Variants in ADAMTS5 observed in about 807,000 individuals in gnomAD.
ADAMTS5 encodes the protein ADAM metallopeptidase with thrombospondin type 1 motif 5.
In ADAMTS5, 54 loss-of-function variants were observed where a neutral mutation model predicts 81.4. That is an observed-to-expected ratio of 0.66 (90% confidence interval 0.53 to 0.83). The LOEUF (loss-of-function observed/expected upper bound fraction) is 0.83. Among genes scored for constraint, ADAMTS5 ranks in the 40% least tolerant of loss-of-function variants. The pLI is 0.00. For synonymous variants in ADAMTS5, 532 were observed against 508.8 expected (o/e 1.05, Z -0.61); for missense variants, 1,194 against 1,229.9 (o/e 0.97, Z 0.44).
chr21:26,929,825 A>G (rs572702032), intron 7 of ADAMTS5, 61 bp downstream of exon 7: 8 of 1,526,114 alleles, frequency 5.2e-6, no homozygotes, highest in African/African-American at 4.1e-5. Context: ...TCCTTTATCA[A>G]TTCTGCAAGA....
chr21:26,934,867 G>C, intron 3 of ADAMTS5, 118 bp from the exon 4 acceptor site: 1 of 1,331,528 alleles, frequency 7.5e-7, no homozygotes, highest in East Asian at 2.4e-5. Context: ...CCATGAATCT[G>C]TAGTGTAATG....
At chr21:26,963,054 G>A (rs1987560511) in intron 1 of ADAMTS5, among the ~76,000 whole-genome samples, 1 of 151,976 alleles carries the variant, frequency 6.6e-6, no homozygotes, top group Non-Finnish European at 1.5e-5. Context: ...AGTTAGATGT[G>A]TATACTACAG....
In ADAMTS5 at chr21:26,954,586, G is replaced by A. The variant is rs1256306762; in HGVS notation, c.1237+153C>T. ...TTTGCCTTCCCTGTCGCTCGTATTAGTTAACCTTAAAAGTGCAGATATAAA... is the reference window on the plus strand; with the variant it reads ...TTTGCCTTCCCTGTCGCTCGTATTAATTAACCTTAAAAGTGCAGATATAAA... On this transcript the variant is annotated intron_variant, in intron 2 of 7. Transcript: ENST00000284987. 2.6e-5 allele frequency among the ~76,000 whole-genome samples: 4 copies of A among 152,304 alleles called. No individual in the cohort carries two copies. In the East Asian group the frequency reaches 7.7e-4, roughly 29 times the overall value.
intron 2 of ADAMTS5, among the ~76,000 whole-genome samples, chr21:26,947,927 TAA>T (rs2123191970): frequency 6.6e-6 from 1 of 152,298 alleles, no homozygotes; most frequent in South Asian, 2.1e-4. Flanking sequence ...TATGTCAGAG[TAA>T]AGTCTATAGG....
rs200779374 is a variant in ADAMTS5 at position 26,943,358 on chromosome 21, T to C, written c.1405+22A>G. 3.8e-6 allele frequency: 6 copies of C among 1,596,274 alleles called. No individual in the cohort carries two copies. In the South Asian group the frequency reaches 5.7e-5, roughly 15 times the overall value. The stretch of plus-strand genomic sequence containing the variant: ...ATCCCAAATTTTGTTTCTCAGTCTG[T>C]GTTCTCCTAAATGATACATACCATG... On this transcript the variant is annotated intron_variant, in intron 3 of 7. Transcript: ENST00000284987.
At chr21:26,925,244 TAG>T (rs1166262353) in intron 7 of ADAMTS5, among the ~76,000 whole-genome samples, 1 of 152,148 alleles carries the variant, frequency 6.6e-6, no homozygotes, top group Non-Finnish European at 1.5e-5. Context: ...TAGAGGTGAG[TAG>T]AGTCTCTGCA....
intron 2 of ADAMTS5, among the ~76,000 whole-genome samples, chr21:26,949,181 A>T (rs1053836912): frequency 1.0e-4 from 15 of 147,370 alleles, no homozygotes; most frequent in Non-Finnish European, 2.2e-4. Context: ...TATATATATC[A>T]CACATATATA....
In ADAMTS5 at chr21:26,966,050, C is replaced by T. The variant is rs1341171321; in HGVS notation, c.342G>A (p.Val114=). Residue 114 remains valine (V), a synonymous_variant, in exon 1 of 8, where the codon GTG becomes GTA. Transcript: ENST00000284987. ...RDGSVGIAGF[V]PAGGGTSAPW... Reference sequence around the variant, plus strand: ...GCGCACTCGTCCCGCCTCCTGCGGGCACGAAGCCAGCAATGCCCACCGAAC... The same window carrying T: ...GCGCACTCGTCCCGCCTCCTGCGGGTACGAAGCCAGCAATGCCCACCGAAC... 3.0e-5 allele frequency: 49 copies of T among 1,613,146 alleles called. No homozygotes were observed. The highest frequency in any genetic ancestry group is 4.0e-5 in the Non-Finnish European group (47 of 1,179,968).
At chr21:26,959,899 C>T (rs1987496883) in intron 1 of ADAMTS5, among the ~76,000 whole-genome samples, 1 of 152,104 alleles carries the variant, frequency 6.6e-6, no homozygotes, top group African/African-American at 2.4e-5. Flanking sequence ...TATCTATATG[C>T]TCAAGTCAGT....
At chr21:26,951,392 G>T (rs1987312982) in intron 2 of ADAMTS5, among the ~76,000 whole-genome samples, 1 of 151,984 alleles carries the variant, frequency 6.6e-6, no homozygotes, top group African/African-American at 2.4e-5. Context: ...TTAAAACACT[G>T]GAAAACTGAG....
At chr21:26,943,345 G>A in intron 3 of ADAMTS5, 35 bp downstream of exon 3, 2 of 1,573,186 alleles carry the variant, frequency 1.3e-6, no homozygotes, top group Admixed American at 1.9e-5. Flanking sequence ...CCCAAATTTT[G>A]TTTCTCAGTC....
chr21:26,918,275 T>A lies in ADAMTS5; in HGVS notation c.*5778A>T, dbSNP rs1046598031. 9 of 152,474 alleles carry A rather than the reference T, an allele frequency of 5.9e-5. No homozygotes were observed. The highest frequency in any genetic ancestry group is 2.2e-4 in the African/African-American group (9 of 41,418). The allele number at this position is 152,474 out of a possible 1,614,324, so 9.4% of individuals were successfully genotyped here. On this transcript the variant is annotated 3_prime_UTR_variant, in exon 8 of 8. Transcript: ENST00000284987. ...GGAAAATTGAGGGTAATAAGCAGCG[T>A]ACATTTTACATCTTATATACAGTAT...
intron 1 of ADAMTS5, among the ~76,000 whole-genome samples, chr21:26,959,093 G>A (rs1026255485): frequency 6.6e-6 from 1 of 152,180 alleles, no homozygotes; most frequent in Non-Finnish European, 1.5e-5. Context: ...TCTGACAAAT[G>A]TGAGGTAAGA....
chr21:26,945,981 T>C (rs1399727650), intron 2 of ADAMTS5, among the ~76,000 whole-genome samples: 3 of 152,134 alleles, frequency 2.0e-5, no homozygotes, highest in African/African-American at 7.2e-5. Flanking sequence ...GAATGAACAC[T>C]CTGTGCTCCA....
Position 26,923,780 on chromosome 21 carries a change from G to A in ADAMTS5, c.*273C>T, listed in dbSNP as rs1164767061. ...GGAGACAGTTCTGCCATCTTCAAAT[G>A]TCCCCTGATTTTACATTCATCAGTG... On this transcript the variant is annotated 3_prime_UTR_variant, in exon 8 of 8. Transcript: ENST00000284987. 5.6e-6 allele frequency: 2 copies of A among 358,676 alleles called. No homozygotes were observed. Among genetic ancestry groups the A allele is most frequent in the South Asian group, 1.3e-4 (2 of 14,886 alleles). 22.2% of individuals were successfully genotyped at this position (358,676 alleles called of 1,614,324 possible).
chr21:26,957,546 A>G (rs1286098312), intron 1 of ADAMTS5, among the ~76,000 whole-genome samples: 1 of 152,216 alleles, frequency 6.6e-6, no homozygotes, highest in Non-Finnish European at 1.5e-5. Flanking sequence ...TGTAAGAGGT[A>G]AACGAATTAA....
At position 26,934,737 on chromosome 21, in the gene ADAMTS5, A is replaced by G. The variant is rs1184317166; in HGVS notation, c.1418T>C (p.Leu473Pro). The G allele has an allele frequency of 1.2e-6, 2 of 1,613,894 alleles. No individual in the cohort carries two copies. Among genetic ancestry groups the G allele is most frequent in the Non-Finnish European group, 1.7e-6 (2 of 1,179,886 alleles). The change falls in exon 4 of 8, where the codon CTG becomes CCG. Residue 473 changes from leucine to proline, a missense_variant. Leu to Pro is a moderately conservative substitution (Grantham distance 98). Around this residue, in one of 2 missense-constraint regions of ADAMTS5, gnomAD observed 696 missense variants for 817.6 expected, o/e 0.85. Coordinates refer to ENST00000284987, the MANE Select transcript of ADAMTS5 (RefSeq NM_007038.5). ...FLDDGHGNCL[L>P]DLPRKQILGP... ...CAGGATCTGCTTTCGTGGTAGGTCC[A>G]GCAAACAGTTACCTACAAGAATAAC...
At chr21:26,925,088 T>C (rs1418807216) in intron 7 of ADAMTS5, among the ~76,000 whole-genome samples, 6 of 152,212 alleles carry the variant, frequency 3.9e-5, no homozygotes, top group Non-Finnish European at 8.8e-5. Context: ...GGGGATCTTT[T>C]AAATCTTTCA....
intron 1 of ADAMTS5, among the ~76,000 whole-genome samples, chr21:26,961,542 C>A (rs1987529509): frequency 6.6e-6 from 1 of 152,194 alleles, no homozygotes; most frequent in Non-Finnish European, 1.5e-5. Context: ...GGGCAGGGAG[C>A]AGGTATTTCT....
Sources: gnomAD v4.1 joint callset for allele counts (sites outside exome capture counted in the v4.1 genomes callset) on GRCh38, gnomAD v4.1.1 for gene constraint, gnomAD v4.1.1 regional missense constraint, MANE v1.5 for transcripts, NCBI Gene and HGNC (gene_info 2026-07-23, HGNC 2026-07-21) for gene names.